Variants in GMPS observed in about 807,000 individuals in gnomAD.
GMPS encodes the protein guanosine monophosphate synthase.
In GMPS, 15 loss-of-function variants were observed where a neutral mutation model predicts 77.9. The ratio of observed to expected loss-of-function variants is 0.19; its 90% CI spans 0.13 to 0.30. GMPS has a LOEUF of 0.30. Ranked by LOEUF, GMPS falls within the 10% of genes least tolerant of loss-of-function variation. GMPS has a pLI of 1.00. For missense variants in GMPS, 590 were observed against 838.8 expected (o/e 0.70, Z 3.66); for synonymous variants, 224 against 275.9 (o/e 0.81, Z 1.86).
At chr3:155,922,704 A>G (rs1179155658) in intron 11 of GMPS, among the ~76,000 whole-genome samples, 1 of 152,166 alleles carries the variant, frequency 6.6e-6, no homozygotes, top group East Asian at 1.9e-4. Flanking sequence ...CAGGTGTCTG[A>G]GTATGAGACT....
At chr3:155,870,994 C>G in intron 1 of GMPS, 97 bp downstream of exon 1, 1 of 1,162,826 alleles carries the variant, frequency 8.6e-7, no homozygotes, top group Non-Finnish European at 1.1e-6. Flanking sequence ...CCCCTTCCCC[C>G]AGCCCGTCCG....
At chr3:155,873,892 C>T (rs1318060723) in intron 1 of GMPS, among the ~76,000 whole-genome samples, 1 of 152,116 alleles carries the variant, frequency 6.6e-6, no homozygotes, top group Non-Finnish European at 1.5e-5. Flanking sequence ...GCCTCAGCCT[C>T]CCAAAGTGCT....
rs193183807 is a variant in GMPS at position 155,882,242 on chromosome 3, G to T, written c.28-11276G>T. Among the ~76,000 whole-genome samples the T allele has an allele frequency of 2.0e-4, 30 of 152,286 alleles. No individual in the cohort carries two copies. The East Asian group carries it at 5.2e-3, about 26-fold the overall frequency. ...TAAGTGATAAAATCATGGATACAGG[G>T]AATGATGAAGAATTAGGGCCAACGA... is the stretch of plus-strand genomic sequence containing the variant. On this transcript the variant is annotated intron_variant, in intron 1 of 15. Transcript: ENST00000496455.
rs532211466 is a variant in GMPS, at chr3:155,941,019, G to C, written c.*3327G>C. 12 of 198,030 alleles carry C rather than the reference G, an allele frequency of 6.1e-5. No homozygotes were observed. In the South Asian group the frequency reaches 1.7e-3, roughly 29 times the overall value. 12.3% of individuals were successfully genotyped at this position (198,030 alleles called of 1,614,324 possible). ...AGTCACCCATCATCAATTACATACA[G>C]CTAATTGTTGGGAGCTAGAGCTAGA... On this transcript the variant is annotated 3_prime_UTR_variant, in exon 16 of 16. Coordinates refer to ENST00000496455, the MANE Select transcript of GMPS (RefSeq NM_003875.3).
rs749847531 is a variant in GMPS, at chr3:155,905,571, A to C, written c.423-589A>C. 3.3e-5 allele frequency among the ~76,000 whole-genome samples: 5 copies of C among 152,186 alleles called. No homozygotes were observed. The East Asian group carries it at 9.6e-4, about 29-fold the overall frequency. On this transcript the variant is annotated intron_variant, in intron 4 of 15. Coordinates refer to ENST00000496455, the MANE Select transcript of GMPS (RefSeq NM_003875.3). ...CAGTACCTAGTCTTTTAGAATTGGG[A>C]AACAGAATCATTAGTGTATACTTAT...
rs2108111587 is a variant in GMPS at position 155,915,404 on chromosome 3, A to G, written c.1039-615A>G. On this transcript the variant is annotated intron_variant, in intron 8 of 15. Coordinates refer to ENST00000496455, the MANE Select transcript of GMPS (RefSeq NM_003875.3). ...AGGCATGCACCACCATGCCCAGCTA[A>G]TTTTTTTCTTTTTTTGAGATGGAGT... Among the ~76,000 whole-genome samples, 3 of 147,260 alleles carry G rather than the reference A, an allele frequency of 2.0e-5. No homozygotes were observed. In the South Asian group the frequency reaches 6.6e-4, roughly 32 times the overall value.
chr3:155,910,245 TCAAAA>T (rs1241780174), intron 5 of GMPS, among the ~76,000 whole-genome samples: 36 of 151,428 alleles, frequency 2.4e-4, no homozygotes, highest in African/African-American at 7.8e-4. Context: ...AGACTCCGTC[TCAAAA>T]CAAAACAAAA....
Position 155,922,246 on chromosome 3 carries a change from C to T in GMPS, c.1378C>T (p.Pro460Ser). 1 of 1,566,806 alleles carries T rather than the reference C, an allele frequency of 6.4e-7. No homozygotes were observed. The highest frequency in any genetic ancestry group is 8.6e-7 in the Non-Finnish European group (1 of 1,156,400). ...AGAACCTTATATTTGTAAGGACTTT[C>T]CTGAAACCAACAATATTTTGAAAAT... ...AEEPYICKDF[P>S]ETNNILKIVA... The change falls in exon 11 of 16, where the codon CCT becomes TCT. Residue 460 changes from proline to serine, a missense_variant. Pro to Ser is a moderately conservative substitution (Grantham distance 74). Around this residue, in one of 6 missense-constraint regions of GMPS, gnomAD observed 64 missense variants for 114.5 expected, o/e 0.56. Coordinates refer to ENST00000496455, the MANE Select transcript of GMPS (RefSeq NM_003875.3).
rs1336352693 is a variant in GMPS, at chr3:155,870,714, A to G, written c.-157A>G. 5 of 563,168 alleles carry G rather than the reference A, an allele frequency of 8.9e-6. No individual in the cohort carries two copies. In the South Asian group the frequency reaches 1.0e-4, roughly 11 times the overall value. The allele number at this position is 563,168 out of a possible 1,614,324, so 34.9% of individuals were successfully genotyped here. A position where few individuals can be genotyped will look rare whatever the true frequency, so the allele number is the denominator to read the frequency against. On this transcript the variant is annotated 5_prime_UTR_variant, in exon 1 of 16. Coordinates refer to ENST00000496455, the MANE Select transcript of GMPS (RefSeq NM_003875.3). ...GCCCGCGCTCCGCTGCTGTTGCTCC[A>G]TTCGGCGCTTTTCTGGCGGCTGGCT...
chr3:155,906,349 AT>A (rs1754881903), intron 5 of GMPS, 86 bp downstream of exon 5: 3 of 656,634 alleles, frequency 4.6e-6, no homozygotes, highest in South Asian at 4.6e-5. Context: ...GTACTCTTTG[AT>A]TTTTCCTTTT....
chr3:155,935,036 C>T lies in GMPS; in HGVS notation c.1797C>T (p.Leu599=). The change falls in exon 14 of 16, where the codon CTC becomes CTT. Residue 599 remains leucine, a synonymous_variant. Transcript: ENST00000496455. ...RQADFEAHNI[L]RESGYAGKIS... is the part of the protein sequence containing the mutation. ...CTGATTTTGAGGCCCATAACATTCT[C>T]AGGGAGTCTGGTAAGTTGCTCATGT... is the stretch of plus-strand genomic sequence containing the variant. 2 of 1,609,518 alleles carry T rather than the reference C, an allele frequency of 1.2e-6. No individual in the cohort carries two copies. The highest frequency in any genetic ancestry group is 1.7e-6 in the Non-Finnish European group (2 of 1,175,822).
chr3:155,932,001 G>A (rs932208167), intron 13 of GMPS, 121 bp downstream of exon 13: 91 of 507,416 alleles, frequency 1.8e-4, no homozygotes, highest in African/African-American at 1.7e-3. Context: ...ATGTAGATAA[G>A]AGTAAATGGC....
intron 1 of GMPS, among the ~76,000 whole-genome samples, chr3:155,887,210 G>A (rs969856949): frequency 6.6e-6 from 1 of 152,080 alleles, no homozygotes; most frequent in Non-Finnish European, 1.5e-5. Flanking sequence ...GAAATATTTT[G>A]AGCTTTATTG....
At chr3:155,902,775 CTA>C (rs1754762927) in intron 3 of GMPS, among the ~76,000 whole-genome samples, 1 of 152,170 alleles carries the variant, frequency 6.6e-6, no homozygotes, top group African/African-American at 2.4e-5. Context: ...ATGGGCAAGA[CTA>C]GAGTCAAGGG....
chr3:155,898,235 G>C (rs1754648480), intron 3 of GMPS, among the ~76,000 whole-genome samples, 194 bp downstream of exon 3: 1 of 152,114 alleles, frequency 6.6e-6, no homozygotes, highest in Non-Finnish European at 1.5e-5. Flanking sequence ...TTTCAAAGTA[G>C]TAAGTACACT....
chr3:155,898,136 A>T lies in GMPS; in HGVS notation c.324+95A>T, dbSNP rs1754646793. The stretch of plus-strand genomic sequence containing the variant: ...ATTTTCTCTCTTTAGGATATTTAGG[A>T]TACTTAGTTGGATGAGATAACTTGT... On this transcript the variant is annotated intron_variant, in intron 3 of 15. Coordinates refer to ENST00000496455, the MANE Select transcript of GMPS (RefSeq NM_003875.3). 4.0e-6 allele frequency: 3 copies of T among 747,936 alleles called. No homozygotes were observed. In the Admixed American group the frequency reaches 5.4e-5, roughly 13 times the overall value. The allele number at this position is 747,936 out of a possible 1,614,324, so 46.3% of individuals were successfully genotyped here.
In GMPS at chr3:155,914,420, G is replaced by A. The variant is rs767765954; in HGVS notation, c.888G>A (p.Val296=). The change falls in exon 8 of 16, where the codon GTG becomes GTA. Residue 296 remains valine (V), a splice_region_variant and synonymous_variant. Coordinates refer to ENST00000496455, the MANE Select transcript of GMPS (RefSeq NM_003875.3). ...AAACGCTTCTCCCCTTTCCTCCAGTGATAAATGCTGCTCATTCTTTCTACA... is the reference window on the plus strand; with the variant it reads ...AAACGCTTCTCCCCTTTCCTCCAGTAATAAATGCTGCTCATTCTTTCTACA... ...ALKKLGIQVK[V]INAAHSFYNG... 6.4e-6 allele frequency: 10 copies of A among 1,552,980 alleles called. No individual in the cohort carries two copies. The East Asian group carries it at 1.2e-4, about 18-fold the overall frequency.
In GMPS at chr3:155,942,419, A is replaced by G; in HGVS notation, c.*4727A>G. 1 of 217,616 alleles carries G rather than the reference A, an allele frequency of 4.6e-6. No individual in the cohort carries two copies. The highest frequency in any genetic ancestry group is 5.8e-5 in the Admixed American group (1 of 17,262). 13.5% of individuals were successfully genotyped at this position (217,616 alleles called of 1,614,324 possible). On this transcript the variant is annotated 3_prime_UTR_variant, in exon 16 of 16. Transcript: ENST00000496455. ...TACAGTTTTAAATCTCCCAGTCAGA[A>G]TAAATTCTTATTGAGGGCCATACCT...
At chr3:155,934,313 C>T (rs1479867179) in intron 13 of GMPS, among the ~76,000 whole-genome samples, 1 of 152,164 alleles carries the variant, frequency 6.6e-6, no homozygotes, top group Non-Finnish European at 1.5e-5. Context: ...TTTAGGAGGC[C>T]AGAAGTCTGA....
Sources: allele counts gnomAD v4.1 joint callset (sites outside exome capture counted in the v4.1 genomes callset), GRCh38; gene constraint gnomAD v4.1.1; regional missense constraint gnomAD v4.1.1; transcripts MANE v1.5; gene names NCBI Gene and HGNC (gene_info 2026-07-23, HGNC 2026-07-21).